Variants in PIGT observed in about 807,000 individuals in gnomAD.
PIGT encodes phosphatidylinositol glycan anchor biosynthesis class T.
In PIGT, 57 loss-of-function variants were observed where a neutral mutation model predicts 66.7. The observed-to-expected ratio is 0.86, with a 90% CI of 0.69 to 1.07. The LOEUF is 1.07. Among genes scored for constraint, PIGT ranks in the 50% least tolerant of loss-of-function variants. PIGT has a pLI of 0.00. For synonymous variants in PIGT, 362 were observed against 320.5 expected (o/e 1.13, Z -1.38); for missense variants, 725 against 740.4 (o/e 0.98, Z 0.24).
intron 2 of PIGT, chr20:45,417,915 T>A (rs1343651049): frequency 6.6e-6 from 1 of 152,214 alleles, no homozygotes; most frequent in Non-Finnish European, 1.5e-5. Flanking sequence ...TTGCCAAGAC[T>A]TTCTCTCTTG....
At chr20:45,424,681 T>G (rs1990601263) in intron 11 of PIGT, 102 bp downstream of exon 11, 1 of 806,950 alleles carries the variant, frequency 1.2e-6, no homozygotes, top group African/African-American at 1.7e-5. Flanking sequence ...AGATGTTACA[T>G]CTTCCAAAGA....
rs763009552 is a variant in PIGT, at chr20:45,416,212, GC to G, written c.57del (p.Trp20GlyfsTer25). The G allele has an allele frequency of 6.9e-6, 11 of 1,593,882 alleles. No individual in the cohort carries two copies. Among genetic ancestry groups the G allele is most frequent in the Non-Finnish European group, 9.4e-6 (11 of 1,171,188 alleles). On this transcript the variant is annotated frameshift_variant, in exon 1 of 12. Coordinates refer to ENST00000279036, the MANE Select transcript of PIGT (RefSeq NM_015937.6). LOFTEE classifies it high-confidence loss of function. Reference protein sequence around the residue: ...LLVLLLLGPGGWCLAEPPRDS... With the variant: ...LLVLLLLGPGXWCLAEPPRDS... ...GTCCTGTTGCTCCTGGGGCCCGGCG[GC>G]TGGTGCCTTGCAGAACCCCCACGCG...
rs1228508701 is a variant in PIGT, at chr20:45,416,563, C to T, written c.234C>T (p.Ser78=). The T allele has an allele frequency of 1.9e-6, 3 of 1,614,078 alleles. No individual in the cohort carries two copies. The highest frequency in any genetic ancestry group is 4.5e-5 in the East Asian group (2 of 44,902). The change falls in exon 2 of 12, where the codon TCC becomes TCT. Residue 78 remains serine, a synonymous_variant. Transcript: ENST00000279036. ...LFPKALGQLI[S]KYSLRELHLS... ...CCAAAGCCCTGGGGCAGCTGATCTC[C>T]AAGTATTCTCTACGGGAGCTGCACC... is the stretch of plus-strand genomic sequence containing the variant.
At chr20:45,421,861 C>T (rs1237310633) in intron 9 of PIGT, 2 of 387,190 alleles carry the variant, frequency 5.2e-6, no homozygotes, top group Non-Finnish European at 9.4e-6. Flanking sequence ...ACTTTTGCCT[C>T]CTTTCTGGAG....
intron 9 of PIGT, chr20:45,422,200 A>G (rs979950233): frequency 2.0e-5 from 3 of 152,166 alleles, no homozygotes; most frequent in African/African-American, 7.2e-5. Context: ...ACCATATCCC[A>G]AACGGCCAAA....
Position 45,419,496 on chromosome 20 carries a change from T to A in PIGT, c.595-8T>A, listed in dbSNP as rs2145445759. ...AGGGCTTCTCTTATCTCTTTCCATC[T>A]CCTCCAGGCAGGCCTCTCTGTGCTG... On this transcript the variant is annotated splice_region_variant and splice_polypyrimidine_tract_variant and intron_variant, in intron 4 of 11. Transcript: ENST00000279036. 1 of 1,614,068 alleles carries A rather than the reference T, an allele frequency of 6.2e-7. No individual in the cohort carries two copies. The highest frequency in any genetic ancestry group is 2.2e-5 in the East Asian group (1 of 44,884).
Position 45,424,565 on chromosome 20 carries a change from C to T in PIGT, c.1470C>T (p.Pro490=). 6.2e-7 allele frequency: 1 copy of T among 1,613,594 alleles called. No homozygotes were observed. The highest frequency in any genetic ancestry group is 1.1e-5 in the South Asian group (1 of 91,064). The part of the protein sequence containing the change: ...AAKPVDWEES[P]LFNSLFPVSD... Reference sequence around the variant, plus strand: ...AGCCAGTGGACTGGGAAGAGAGTCCCCTCTTCAACAGCCTGTAAGTGTGAC... The same window carrying T: ...AGCCAGTGGACTGGGAAGAGAGTCCTCTCTTCAACAGCCTGTAAGTGTGAC... Residue 490 remains proline (P), a synonymous_variant, in exon 11 of 12, where the codon CCC becomes CCT. Coordinates refer to ENST00000279036, the MANE Select transcript of PIGT (RefSeq NM_015937.6).
At chr20:45,419,646 T>G in intron 5 of PIGT, 56 bp downstream of exon 5, 1 of 1,222,954 alleles carries the variant, frequency 8.2e-7, no homozygotes, top group Non-Finnish European at 1.2e-6. Context: ...AAGGTACATG[T>G]AAAGCATGTG....
At position 45,418,936 on chromosome 20, in the gene PIGT, A is replaced by G. The variant is rs1393159551; in HGVS notation, c.450A>G (p.Thr150=). 1.2e-6 allele frequency: 2 copies of G among 1,613,972 alleles called. No homozygotes were observed. The highest frequency in any genetic ancestry group is 1.7e-6 in the Non-Finnish European group (2 of 1,179,976). ...ASLNFIDSTN[T]VTPTASFKPL... ...TCAACTTCATCGACTCCACCAACACAGTCACTCCCACTGCCTCCTTCAAAC... is the reference window on the plus strand; with the variant it reads ...TCAACTTCATCGACTCCACCAACACGGTCACTCCCACTGCCTCCTTCAAAC... Residue 150 remains threonine, a synonymous_variant, in exon 3 of 12, where the codon ACA becomes ACG. Coordinates refer to ENST00000279036, the MANE Select transcript of PIGT (RefSeq NM_015937.6).
chr20:45,416,235 C>T lies in PIGT; in HGVS notation c.79C>T (p.Arg27Cys). ...PGGWCLAEPP[R>C]DSLREELVIT... ...CGGCTGGTGCCTTGCAGAACCCCCACGCGACAGCCTGCGGGAGGAACTTGT... is the reference window on the plus strand; with the variant it reads ...CGGCTGGTGCCTTGCAGAACCCCCATGCGACAGCCTGCGGGAGGAACTTGT... Residue 27 changes from arginine (R) to cysteine (C), a missense_variant, in exon 1 of 12, where the codon CGC (arginine) becomes TGC (cysteine). Physicochemically the swap from Arg to Cys is radical, Grantham distance 180. Around this residue, in one of 3 missense-constraint regions of PIGT, gnomAD observed 559 missense variants for 552.7 expected, o/e 1.01. Coordinates refer to ENST00000279036, the MANE Select transcript of PIGT (RefSeq NM_015937.6). 6.3e-7 allele frequency: 1 copy of T among 1,597,166 alleles called. No individual in the cohort carries two copies. Among genetic ancestry groups the T allele is most frequent in the Non-Finnish European group, 8.5e-7 (1 of 1,172,358 alleles).
rs567096286 is a variant in PIGT at position 45,416,314 on chromosome 20, G to T, written c.158G>T (p.Arg53Leu). ...GCCGCCACATTCCAGTTCCGCACGC[G>T]CTGGGATTCGGAGCTTCAGCGGGAA... Reference protein sequence around the residue: ...DVAATFQFRTRWDSELQREGV... With the variant: ...DVAATFQFRTLWDSELQREGV... The change falls in exon 1 of 12, where the codon CGC (arginine) becomes CTC (leucine). Residue 53 changes from arginine (R) to leucine (L), a missense_variant. By Grantham distance (102) the Arg-to-Leu change is moderately radical (BLOSUM62 -2). This residue lies in a region of PIGT where 559 missense variants were observed against 552.7 expected (regional missense o/e 1.01). Transcript: ENST00000279036. 2.5e-5 allele frequency: 40 copies of T among 1,593,908 alleles called. No individual in the cohort carries two copies. In the South Asian group the frequency reaches 4.2e-4, roughly 17 times the overall value.
rs1476603697 is a variant in PIGT at position 45,425,640 on chromosome 20, G to A, written c.1551G>A (p.Leu517=). 1 of 1,614,106 alleles carries A rather than the reference G, an allele frequency of 6.2e-7. No homozygotes were observed. The highest frequency in any genetic ancestry group is 1.7e-5 in the Admixed American group (1 of 60,022). ...RLYTEPLLVN[L]PTPDFSMPYN... is the part of the protein sequence containing the mutation. Reference sequence around the variant, plus strand: ...ACACGGAGCCGCTGCTGGTGAACCTGCCGACACCGGACTTCAGCATGCCCT... The same window carrying A: ...ACACGGAGCCGCTGCTGGTGAACCTACCGACACCGGACTTCAGCATGCCCT... Residue 517 remains leucine (L), a synonymous_variant, in exon 12 of 12, where the codon CTG becomes CTA. Transcript: ENST00000279036.
chr20:45,425,361 G>A, intron 11 of PIGT: 1 of 578,868 alleles, frequency 1.7e-6, no homozygotes. Context: ...CATGCATTAG[G>A]TATTTGTCCT....
chr20:45,418,976 A>C lies in PIGT; in HGVS notation c.490A>C (p.Asn164His). The change falls in exon 3 of 12, where the codon AAT becomes CAT. Residue 164 changes from asparagine to histidine, a missense_variant. Physicochemically the swap from Asn to His is moderately conservative, Grantham distance 68. This residue lies in a region of PIGT where 559 missense variants were observed against 552.7 expected (regional missense o/e 1.01). Transcript: ENST00000279036. ...CTCCTTCAAACCCCTGGGTCTGGCCAATGGTGAGATAACCCCTACAGCCCT... is the reference window on the plus strand; with the variant it reads ...CTCCTTCAAACCCCTGGGTCTGGCCCATGGTGAGATAACCCCTACAGCCCT... ...TASFKPLGLANDTDHYFLRYA... is the reference protein window; with the variant it reads ...TASFKPLGLAHDTDHYFLRYA... 1 of 1,614,038 alleles carries C rather than the reference A, an allele frequency of 6.2e-7. No individual in the cohort carries two copies. Among genetic ancestry groups the C allele is most frequent in the Non-Finnish European group, 8.5e-7 (1 of 1,179,938 alleles).
At chr20:45,419,956 A>G in intron 5 of PIGT, 180 bp from the exon 6 acceptor site, 1 of 610,724 alleles carries the variant, frequency 1.6e-6, no homozygotes, top group Non-Finnish European at 2.9e-6. Flanking sequence ...TATCAAACTG[A>G]TGCACATACA....
At chr20:45,418,561 G>A (rs932042997) in intron 2 of PIGT, 2 of 385,016 alleles carry the variant, frequency 5.2e-6, no homozygotes, top group Non-Finnish European at 9.9e-6. Context: ...GGATCATGAA[G>A]GTAGGCAGAA....
Position 45,420,145 on chromosome 20 carries a change from T to C in PIGT, c.691T>C (p.Cys231Arg). ...HIRPVCRNARCTSISWELRQT... is the reference protein window; with the variant it reads ...HIRPVCRNARRTSISWELRQT... ...CTGGCCCTTGTGATAGAATGCACGC[T>C]GTACTAGCATCTCCTGGGAGCTGAG... The change falls in exon 6 of 12, where the codon TGT (cysteine) becomes CGT (arginine). Residue 231 changes from cysteine (C) to arginine (R), a missense_variant. By Grantham distance (180) the Cys-to-Arg change is radical. Coordinates refer to ENST00000279036, the MANE Select transcript of PIGT (RefSeq NM_015937.6). 6.2e-7 allele frequency: 1 copy of C among 1,611,376 alleles called. No homozygotes were observed. The highest frequency in any genetic ancestry group is 8.5e-7 in the Non-Finnish European group (1 of 1,178,606).
chr20:45,420,469 G>T (rs746089777), intron 7 of PIGT, 40 bp downstream of exon 7: 2 of 1,610,820 alleles, frequency 1.2e-6, no homozygotes, highest in Non-Finnish European at 1.7e-6. Context: ...CACACCGCTG[G>T]TCCCCAGGAC....
chr20:45,426,008 G>C lies in PIGT; in HGVS notation c.*182G>C, dbSNP rs114536207. On this transcript the variant is annotated 3_prime_UTR_variant, in exon 12 of 12. Coordinates refer to ENST00000279036, the MANE Select transcript of PIGT (RefSeq NM_015937.6). ...CGAGCCAAATGTGGCATTTGAATTT[G>C]AATTAACTTAGAAATTCATTTCCTC... 2.4e-3 allele frequency: 1,624 copies of C among 663,106 alleles called. 28 individuals carry two copies. In the African/African-American group the frequency reaches 0.026, roughly 11 times the overall value. The allele number at this position is 663,106 out of a possible 1,614,324, so 41.1% of individuals were successfully genotyped here.
Sources: allele counts gnomAD v4.1 joint callset, GRCh38; gene constraint gnomAD v4.1.1; regional missense constraint gnomAD v4.1.1; transcripts MANE v1.5; gene names NCBI Gene and HGNC (gene_info 2026-07-23, HGNC 2026-07-21).